RASAL2: variants seen among roughly 807,000 people sequenced by gnomAD.
RASAL2 encodes the protein RAS protein activator like 2, also known as ras GTPase-activating protein nGAP.
In RASAL2, 58 loss-of-function variants were observed where a neutral mutation model predicts 128.9. That is an observed-to-expected ratio of 0.45 (90% CI 0.36 to 0.56). The LOEUF (loss-of-function observed/expected upper bound fraction) is 0.56. Among genes scored for constraint, RASAL2 ranks in the 20% least tolerant of loss-of-function variants. The pLI is 0.00. For missense variants in RASAL2, 1,360 were observed against 1,601.6 expected (o/e 0.85, Z 2.57); for synonymous variants, 561 against 580.8 (o/e 0.97, Z 0.49).
At chr1:178,468,918 G>C (rs995460792) in intron 17 of RASAL2, among the ~76,000 whole-genome samples, 5 of 152,180 alleles carry the variant, frequency 3.3e-5, no homozygotes, top group Non-Finnish European at 7.3e-5. Context: ...TATAAAGCAA[G>C]AAGAGTTCTA....
chr1:178,440,756 G>A (rs1328980278), intron 6 of RASAL2, among the ~76,000 whole-genome samples: 1 of 152,130 alleles, frequency 6.6e-6, no homozygotes, highest in Non-Finnish European at 1.5e-5. Context: ...TGTGTTAATA[G>A]TGGTCAGGCT....
chr1:178,359,040 A>G (rs946363888), intron 3 of RASAL2, among the ~76,000 whole-genome samples: 23 of 152,338 alleles, frequency 1.5e-4, no homozygotes, highest in African/African-American at 4.1e-4. Flanking sequence ...TAAATGGAAA[A>G]AGTTCAAAAG....
rs934025870 is a variant in RASAL2, at chr1:178,456,625, C to A, written c.2212-96C>A. On this transcript the variant is annotated intron_variant, in intron 12 of 17. Coordinates refer to ENST00000367649, the MANE Select transcript of RASAL2 (RefSeq NM_170692.4). ...AACACTTACCCTTCCCTCCAACCTA[C>A]ACCCCTCCATCAATGGCCATCGTTG... is the stretch of plus-strand genomic sequence containing the variant. 48 of 1,309,030 alleles carry A rather than the reference C, an allele frequency of 3.7e-5. No homozygotes were observed. The Admixed American group carries it at 4.0e-4, about 11-fold the overall frequency. 81.1% of individuals were successfully genotyped at this position (1,309,030 alleles called of 1,614,324 possible). A position where few individuals can be genotyped will look rare whatever the true frequency, so the allele number is the denominator to read the frequency against.
intron 8 of RASAL2, among the ~76,000 whole-genome samples, chr1:178,443,672 G>A (rs570316578): frequency 3.3e-5 from 5 of 152,302 alleles, no homozygotes; most frequent in African/African-American, 1.2e-4. Flanking sequence ...ATTAGCAAGA[G>A]TCTTTGTGGG....
At chr1:178,198,791 G>T (rs1458427117) in intron 1 of RASAL2, among the ~76,000 whole-genome samples, 2 of 152,350 alleles carry the variant, frequency 1.3e-5, no homozygotes, top group Non-Finnish European at 2.9e-5. Flanking sequence ...ACTTGAGGGT[G>T]CAATCTGTCC....
intron 3 of RASAL2, 22 bp downstream of exon 3, chr1:178,300,140 A>C (rs1167044589): frequency 6.3e-7 from 1 of 1,592,614 alleles, no homozygotes; most frequent in East Asian, 2.2e-5. Flanking sequence ...TGAAAAGGAA[A>C]TAAATTCCTA....
At chr1:178,153,977 AGGCGCCC>A (rs1438111494) in intron 1 of RASAL2, among the ~76,000 whole-genome samples, 1 of 151,946 alleles carries the variant, frequency 6.6e-6, no homozygotes, top group Non-Finnish European at 1.5e-5. Flanking sequence ...CTGGGATTAT[AGGCGCCC>A]GCCACCACGC....
chr1:178,337,408 A>G (rs1669640216), intron 3 of RASAL2, among the ~76,000 whole-genome samples: 1 of 152,230 alleles, frequency 6.6e-6, no homozygotes, highest in Non-Finnish European at 1.5e-5. Context: ...TTTGTCATTC[A>G]AATGATAAAC....
intron 1 of RASAL2, among the ~76,000 whole-genome samples, chr1:178,281,901 C>G (rs1666799928): frequency 6.6e-6 from 1 of 152,022 alleles, no homozygotes; most frequent in African/African-American, 2.4e-5. Flanking sequence ...TATATATGTA[C>G]AAAAGGATTA....
intron 3 of RASAL2, among the ~76,000 whole-genome samples, chr1:178,377,411 G>A (rs188558998): frequency 0.02 from 3,014 of 150,104 alleles, 116 homozygotes; most frequent in African/African-American, 0.07. Context: ...CCCAGGAAGA[G>A]GAAAAAGAAA....
chr1:178,285,321 C>G (rs1023914671), intron 2 of RASAL2, among the ~76,000 whole-genome samples: 10 of 151,232 alleles, frequency 6.6e-5, no homozygotes, highest in African/African-American at 2.2e-4. Flanking sequence ...GGGGTTTCAC[C>G]TTGTTAGCCA....
At chr1:178,110,019 A>G (rs1659236212) in intron 1 of RASAL2, among the ~76,000 whole-genome samples, 1 of 152,194 alleles carries the variant, frequency 6.6e-6, no homozygotes, top group African/African-American at 2.4e-5. Context: ...CACCATCTCT[A>G]AAGCAAACAA....
At chr1:178,376,207 G>A (rs1373404042) in intron 3 of RASAL2, among the ~76,000 whole-genome samples, 1 of 152,096 alleles carries the variant, frequency 6.6e-6, no homozygotes, top group Non-Finnish European at 1.5e-5. Flanking sequence ...AAAACCACTA[G>A]GCTTGACAAT....
At position 178,281,710 on chromosome 1, in the gene RASAL2, T is replaced by C. The variant is rs543302639; in HGVS notation, c.203-1854T>C. Among the ~76,000 whole-genome samples, 3 of 152,318 alleles carry C rather than the reference T, an allele frequency of 2.0e-5. No homozygotes were observed. The East Asian group carries it at 5.8e-4, about 29-fold the overall frequency. ...AATTTTGTCAAAGTTTCTAATTGTT[T>C]AGACCACAAAACTATTCATATTTCT... is the stretch of plus-strand genomic sequence containing the variant. On this transcript the variant is annotated intron_variant, in intron 1 of 17. Coordinates refer to ENST00000367649, the MANE Select transcript of RASAL2 (RefSeq NM_170692.4).
intron 1 of RASAL2, among the ~76,000 whole-genome samples, chr1:178,122,781 G>T (rs1477408868): frequency 6.6e-6 from 1 of 150,988 alleles, no homozygotes; most frequent in African/African-American, 2.4e-5. Context: ...GTTTGGATTT[G>T]TCAAATTTTA....
intron 3 of RASAL2, among the ~76,000 whole-genome samples, chr1:178,383,765 A>G (rs540412304): frequency 6.6e-6 from 1 of 152,192 alleles, no homozygotes; most frequent in Non-Finnish European, 1.5e-5. Flanking sequence ...AATTCACAGC[A>G]TGGAGAGAGA....
chr1:178,267,955 CCT>C (rs911738026), intron 1 of RASAL2, among the ~76,000 whole-genome samples: 3 of 150,856 alleles, frequency 2.0e-5, no homozygotes, highest in African/African-American at 7.3e-5. Context: ...TGTGGATCTT[CCT>C]CTCTTTTTTT....
intron 1 of RASAL2, among the ~76,000 whole-genome samples, chr1:178,175,479 A>G (rs554089722): frequency 3.7e-4 from 39 of 105,896 alleles, no homozygotes; most frequent in African/African-American, 1.2e-3. Flanking sequence ...TGTGATAACT[A>G]TGCCCTTTTT....
intron 5 of RASAL2, among the ~76,000 whole-genome samples, chr1:178,437,300 T>C (rs1365098028): frequency 6.6e-6 from 1 of 152,136 alleles, no homozygotes; most frequent in Non-Finnish European, 1.5e-5. Flanking sequence ...TCAAAGATTT[T>C]ATCAGTAACC....
Sources: gnomAD v4.1 joint callset for allele counts (sites outside exome capture counted in the v4.1 genomes callset) on GRCh38, gnomAD v4.1.1 for gene constraint, MANE v1.5 for transcripts, NCBI Gene and HGNC (gene_info 2026-07-23, HGNC 2026-07-21) for gene names.